CALCOCO2: variants seen among roughly 807,000 people sequenced by gnomAD.
CALCOCO2 encodes calcium binding and coiled-coil domain 2.
In CALCOCO2, 42 loss-of-function variants were observed where a neutral mutation model predicts 62.5. The observed-to-expected ratio is 0.67, with a 90% CI of 0.53 to 0.87. CALCOCO2 has a LOEUF of 0.87. CALCOCO2 is among the 40% of genes least tolerant of loss of function. CALCOCO2 has a pLI of 0.00. For missense variants in CALCOCO2, 456 were observed against 515.0 expected (o/e 0.89, Z 1.11); for synonymous variants, 167 against 173.0 (o/e 0.97, Z 0.27).
chr17:48,851,765 GGTTATGT>G (rs2040133717), intron 7 of CALCOCO2, 137 bp downstream of exon 7: 1 of 635,232 alleles, frequency 1.6e-6, no homozygotes. Context: ...TAAAGTTTCA[GGTTATGT>G]ATTTTCCATT....
intron 1 of CALCOCO2, among the ~76,000 whole-genome samples, chr17:48,833,338 C>T (rs919807351): frequency 1.3e-5 from 2 of 152,016 alleles, no homozygotes; most frequent in African/African-American, 2.4e-5. Flanking sequence ...GGGTGGATCA[C>T]GAGGTCAGGA....
chr17:48,857,261 G>C (rs567227845), intron 10 of CALCOCO2, among the ~76,000 whole-genome samples: 1 of 144,658 alleles, frequency 6.9e-6, no homozygotes, highest in African/African-American at 2.6e-5. Flanking sequence ...GCGATGGCAC[G>C]ATCTCAGCTC....
intron 2 of CALCOCO2, among the ~76,000 whole-genome samples, chr17:48,844,337 CT>C (rs938933229): frequency 8.0e-5 from 12 of 149,164 alleles, no homozygotes; most frequent in South Asian, 2.1e-4. Flanking sequence ...TTTATAACGT[CT>C]TTTTTTTTTC....
chr17:48,848,128 A>T lies in CALCOCO2; in HGVS notation c.245A>T (p.Asn82Ile). 5 of 1,613,724 alleles carry T rather than the reference A, an allele frequency of 3.1e-6. No homozygotes were observed. The highest frequency in any genetic ancestry group is 4.2e-6 in the Non-Finnish European group (5 of 1,179,622). ...FMWVTLPIDL[N>I]NKSAKQQEVQ... ...TGGGTTACTTTGCCCATTGACCTAAACAACAAATCAGCTAAACAGCAGGAA... is the reference window on the plus strand; with the variant it reads ...TGGGTTACTTTGCCCATTGACCTAATCAACAAATCAGCTAAACAGCAGGAA... The change falls in exon 3 of 13, where the codon AAC becomes ATC. Residue 82 changes from asparagine to isoleucine, a missense_variant. By Grantham distance (149) the Asn-to-Ile change is moderately radical (BLOSUM62 -3). Around this residue, in one of 3 missense-constraint regions of CALCOCO2, gnomAD observed 236 missense variants for 225.3 expected, o/e 1.05. Transcript: ENST00000258947.
chr17:48,854,378 T>TTTTTTATATATATATATATA (rs1489635512), intron 9 of CALCOCO2, among the ~76,000 whole-genome samples: 7 of 12,160 alleles, frequency 5.8e-4, no homozygotes, highest in African/African-American at 1.1e-3. Flanking sequence ...TGGTTTTCTT[T>TTTTTTATATATATATATATA]TATTTATATA....
chr17:48,835,048 CG>C (rs2039872328), intron 1 of CALCOCO2, among the ~76,000 whole-genome samples: 1 of 151,526 alleles, frequency 6.6e-6, no homozygotes, highest in African/African-American at 2.4e-5. Context: ...CCTGCCCCCC[CG>C]CAAAAAAAAT....
rs575635330 is a variant in CALCOCO2, at chr17:48,846,063, C to T, written c.181-2001C>T. 1.9e-4 allele frequency: 277 copies of T among 1,485,994 alleles called. 2 individuals carry two copies. In the East Asian group the frequency reaches 6.0e-3, roughly 32 times the overall value. 92.1% of individuals were successfully genotyped at this position (1,485,994 alleles called of 1,614,324 possible). Reference sequence around the variant, plus strand: ...GTCTTAATCAGACTATTCAACTCCTCATCACCCCAGACACTGGTAGTATCT... The same window carrying T: ...GTCTTAATCAGACTATTCAACTCCTTATCACCCCAGACACTGGTAGTATCT... On this transcript the variant is annotated intron_variant, in intron 2 of 12. Coordinates refer to ENST00000258947, the MANE Select transcript of CALCOCO2 (RefSeq NM_005831.5).
At chr17:48,837,502 T>C (rs2039910126) in intron 1 of CALCOCO2, among the ~76,000 whole-genome samples, 1 of 152,018 alleles carries the variant, frequency 6.6e-6, no homozygotes, top group Non-Finnish European at 1.5e-5. Flanking sequence ...AAAAATTAGC[T>C]GGGCATGGTG....
Position 48,841,770 on chromosome 17 carries a change from TC to T in CALCOCO2, c.64del (p.Gln22ArgfsTer60). 1.2e-6 allele frequency: 2 copies of T among 1,613,620 alleles called. No homozygotes were observed. Among genetic ancestry groups the T allele is most frequent in the African/African-American group, 2.7e-5 (2 of 75,014 alleles). On this transcript the variant is annotated frameshift_variant, in exon 2 of 13. Transcript: ENST00000258947. LOFTEE classifies it high-confidence loss of function. ...TCTTGCTGGATCACTGTCATTTCTC[TC>T]AGGTCATCTTTAACAGTGTGGAGAA... The part of the protein sequence containing the change: ...AVLLDHCHFS[Q>X]VIFNSVEKFY...
rs1036527078 is a variant in CALCOCO2, at chr17:48,864,333, G to C, written c.*1328G>C. ...TCCACTTCAGCCGTCCAAAGTGCTGGGATTACAAGCGTGAGCCACTGTGCT... is the reference window on the plus strand; with the variant it reads ...TCCACTTCAGCCGTCCAAAGTGCTGCGATTACAAGCGTGAGCCACTGTGCT... On this transcript the variant is annotated 3_prime_UTR_variant, in exon 13 of 13. Transcript: ENST00000258947. 2 of 153,902 alleles carry C rather than the reference G, an allele frequency of 1.3e-5. No homozygotes were observed. The highest frequency in any genetic ancestry group is 4.8e-5 in the African/African-American group (2 of 41,474). 9.5% of individuals were successfully genotyped at this position (153,902 alleles called of 1,614,324 possible).
chr17:48,845,387 G>C lies in CALCOCO2; in HGVS notation c.181-2677G>C, dbSNP rs1384726618. 2.0e-4 allele frequency among the ~76,000 whole-genome samples: 20 copies of C among 97,906 alleles called. 1 individual carries two copies. The East Asian group carries it at 0.011, about 56-fold the overall frequency. 64.2% of individuals were successfully genotyped at this position (97,906 alleles called of 152,430 possible). A position where few individuals can be genotyped will look rare whatever the true frequency, so the allele number is the denominator to read the frequency against. ...AAATCCTCACTGTGTGTGTGTGTGT[G>C]TGTGTGTGTGTGTGTGTGTGTGTGT... is the stretch of plus-strand genomic sequence containing the variant. On this transcript the variant is annotated intron_variant, in intron 2 of 12. Coordinates refer to ENST00000258947, the MANE Select transcript of CALCOCO2 (RefSeq NM_005831.5).
intron 11 of CALCOCO2, 129 bp from the exon 12 acceptor site, chr17:48,862,146 GA>G (rs1291018381): frequency 1.3e-6 from 1 of 749,442 alleles, no homozygotes; most frequent in East Asian, 2.5e-5. Context: ...ATATATATGA[GA>G]GAGAAAGAAT....
rs1477173857 is a variant in CALCOCO2, at chr17:48,863,407, G to T, written c.*402G>T. 1 of 183,516 alleles carries T rather than the reference G, an allele frequency of 5.4e-6. No homozygotes were observed. Among genetic ancestry groups the T allele is most frequent in the African/African-American group, 2.4e-5 (1 of 42,366 alleles). The allele number at this position is 183,516 out of a possible 1,614,324, so 11.4% of individuals were successfully genotyped here. ...ATTTGTTCTCAGTCCTAACCCTGGG[G>T]CCAGAGATTGGTCCGAGGTTGAGAA... On this transcript the variant is annotated 3_prime_UTR_variant, in exon 13 of 13. Transcript: ENST00000258947.
chr17:48,838,119 C>T (rs1340288172), intron 1 of CALCOCO2, among the ~76,000 whole-genome samples: 1 of 151,884 alleles, frequency 6.6e-6, no homozygotes, highest in Non-Finnish European at 1.5e-5. Context: ...ATTCCTGTCC[C>T]TTTTAAGGGC....
rs763435753 is a variant in CALCOCO2 at position 48,848,057 on chromosome 17, A to G, written c.181-7A>G. On this transcript the variant is annotated splice_region_variant and splice_polypyrimidine_tract_variant and intron_variant, in intron 2 of 12. Coordinates refer to ENST00000258947, the MANE Select transcript of CALCOCO2 (RefSeq NM_005831.5). The stretch of plus-strand genomic sequence containing the variant: ...AGGTACTAAATAAGAACTTCTTGTC[A>G]TTGCAGGTGGGGTGGAAGACAACCC... The G allele has an allele frequency of 1.0e-5, 16 of 1,563,190 alleles. No individual in the cohort carries two copies. Among genetic ancestry groups the G allele is most frequent in the Non-Finnish European group, 1.2e-5 (14 of 1,134,868 alleles).
intron 1 of CALCOCO2, chr17:48,832,015 G>T (rs1307917608): frequency 6.6e-6 from 1 of 152,300 alleles, no homozygotes; most frequent in East Asian, 1.9e-4. Flanking sequence ...CCTTGAAAAA[G>T]GTAGTCGATA....
chr17:48,854,396 A>ATATATATATAT (rs1567757320), intron 9 of CALCOCO2, among the ~76,000 whole-genome samples: 2 of 1,910 alleles, frequency 1.0e-3, no homozygotes, highest in African/African-American at 1.7e-3. Flanking sequence ...ATATATATAT[A>ATATATATATAT]TTTTTTTTTT....
intron 10 of CALCOCO2, among the ~76,000 whole-genome samples, chr17:48,857,497 CTTTTTTT>C (rs59318856): frequency 1.0e-4 from 4 of 38,428 alleles, no homozygotes; most frequent in East Asian, 2.0e-3. Flanking sequence ...GCACCCGGCC[CTTTTTTT>C]TTTTTTTTTT....
intron 2 of CALCOCO2, among the ~76,000 whole-genome samples, chr17:48,843,008 G>C (rs2039996689): frequency 1.3e-5 from 2 of 152,238 alleles, no homozygotes; most frequent in South Asian, 4.1e-4. Context: ...TCCTTACTTG[G>C]TATGATGTTT....
Sources: gnomAD v4.1 joint callset for allele counts (sites outside exome capture counted in the v4.1 genomes callset) on GRCh38, gnomAD v4.1.1 for gene constraint, gnomAD v4.1.1 regional missense constraint, MANE v1.5 for transcripts, NCBI Gene and HGNC (gene_info 2026-07-23, HGNC 2026-07-21) for gene names.